SPG7: variants seen among roughly 807,000 people sequenced by gnomAD.
The protein encoded by SPG7 is mitochondrial inner membrane m-AAA protease component paraplegin.
A neutral mutation model predicts 81.9 loss-of-function variants in SPG7; 103 were observed. That is an observed-to-expected ratio of 1.26 (90% CI 1.07 to 1.48). The LOEUF (loss-of-function observed/expected upper bound fraction) is 1.48, where lower values mean the gene tolerates loss of function less well. SPG7 is among the 40% of genes most tolerant of loss of function. The pLI, the probability that SPG7 is intolerant of heterozygous loss-of-function variation, is 0.00. For missense variants in SPG7, 1,241 were observed against 1,087.3 expected, an observed-to-expected ratio of 1.14 and a Z score of -1.99; for synonymous variants, 534 against 444.2, an observed-to-expected ratio of 1.20 and a Z score of -2.54.
chr16:89,528,112 C>G (rs767550226), intron 5 of SPG7, among the ~76,000 whole-genome samples: 2 of 148,894 alleles, frequency 1.3e-5, no homozygotes, highest in African/African-American at 2.5e-5. Context: ...AGGTTTGGGC[C>G]GGGCGCGGTG....
At chr16:89,538,066 C>T (rs2058450009) in intron 9 of SPG7, 2 of 152,274 alleles carry the variant, frequency 1.3e-5, no homozygotes, top group African/African-American at 2.4e-5. Context: ...GGCTGGAGCG[C>T]AGAGAACCAC....
intron 3 of SPG7, 177 bp from the exon 4 acceptor site, chr16:89,523,829 C>T: frequency 2.4e-6 from 2 of 850,896 alleles, no homozygotes; most frequent in Non-Finnish European, 3.8e-6. Context: ...CCTCGAACAG[C>T]ACAGCGTTAG....
chr16:89,539,859 GC>G (rs755546673), intron 9 of SPG7: 24 of 152,118 alleles, frequency 1.6e-4, no homozygotes, highest in African/African-American at 2.4e-4. Context: ...ACAGGTGTGA[GC>G]CCCCATGCCT....
chr16:89,556,543 C>T, intron 16 of SPG7: 1 of 380,286 alleles, frequency 2.6e-6, no homozygotes, highest in East Asian at 6.3e-5. Flanking sequence ...TCTCCCAGTG[C>T]TGCTCTCCTC....
At position 89,532,510 on chromosome 16, in the gene SPG7, CG is replaced by C. The variant is rs1567914963; in HGVS notation, c.1201del (p.Ala401ProfsTer38). 6.2e-7 allele frequency: 1 copy of C among 1,613,640 alleles called. No individual in the cohort carries two copies. The highest frequency in any genetic ancestry group is 1.7e-5 in the Admixed American group (1 of 60,026). ...VRSLFKEARA[R>X]APCIVYIDEI... ...GAGCCTCTTTAAGGAAGCCCGAGCC[CG>C]GGCCCCCTGCATCGTCTACATCGAT... is the stretch of plus-strand genomic sequence containing the variant. On this transcript the variant is annotated frameshift_variant, in exon 9 of 17. Coordinates refer to ENST00000645818, the MANE Select transcript of SPG7 (RefSeq NM_003119.4). LOFTEE classifies it high-confidence loss of function.
intron 6 of SPG7, 60 bp from the exon 7 acceptor site, chr16:89,530,623 C>T: frequency 1.2e-6 from 2 of 1,610,376 alleles, no homozygotes; most frequent in Non-Finnish European, 1.7e-6. Context: ...TGAGCGCTGG[C>T]ATCGTGCTGC....
At chr16:89,540,227 T>TTA (rs2058477807) in intron 9 of SPG7, 2 of 152,196 alleles carry the variant, frequency 1.3e-5, no homozygotes, top group Admixed American at 1.3e-4. Flanking sequence ...ATACGCTTGT[T>TTA]CCTATCTACC....
intron 2 of SPG7, among the ~76,000 whole-genome samples, chr16:89,511,974 C>G (rs558040788): frequency 1.3e-5 from 2 of 149,694 alleles, no homozygotes; most frequent in South Asian, 4.3e-4. Context: ...TGCAGTGGCG[C>G]GATCTCCGCT....
chr16:89,538,276 C>G (rs2058452796), intron 9 of SPG7: 1 of 152,128 alleles, frequency 6.6e-6, no homozygotes, highest in South Asian at 2.1e-4. Context: ...ACCCTCCACA[C>G]CCACATAGCC....
chr16:89,553,200 TC>T, intron 14 of SPG7, 65 bp downstream of exon 14: 1 of 1,449,824 alleles, frequency 6.9e-7, no homozygotes, highest in Non-Finnish European at 9.5e-7. Context: ...CTCCTTCTGT[TC>T]CAGTGCATGC....
chr16:89,526,302 T>C lies in SPG7; in HGVS notation c.619-27T>C, dbSNP rs1458198761. On this transcript the variant is annotated intron_variant, in intron 4 of 16. Transcript: ENST00000645818. ...TGCTCGTCTGTCCCTGCGTTTCTCA[T>C]GGTCCCCTCTCCTTTCTGCCCCCCA... 5 of 1,613,682 alleles carry C rather than the reference T, an allele frequency of 3.1e-6. No homozygotes were observed. The African/African-American group carries it at 4.0e-5, about 13-fold the overall frequency.
chr16:89,556,006 A>C (rs903594842), intron 16 of SPG7: 1 of 398,714 alleles, frequency 2.5e-6, no homozygotes, highest in Non-Finnish European at 4.4e-6. Flanking sequence ...CTGTGGACCC[A>C]TGCTCATCAC....
intron 9 of SPG7, chr16:89,532,848 C>T: frequency 3.4e-6 from 2 of 586,116 alleles, no homozygotes; most frequent in Non-Finnish European, 6.1e-6. Flanking sequence ...CTTTGGGAGG[C>T]CAAGACAGGC....
chr16:89,552,941 C>T, intron 13 of SPG7, 38 bp from the exon 14 acceptor site: 1 of 1,610,870 alleles, frequency 6.2e-7, no homozygotes, highest in Non-Finnish European at 8.5e-7. Context: ...GCCCACGCAT[C>T]CTGCCTACTG....
chr16:89,546,148 G>A (rs1597655918), intron 10 of SPG7: 6 of 291,100 alleles, frequency 2.1e-5, no homozygotes, highest in South Asian at 1.2e-4. Flanking sequence ...GTGCAGCGGC[G>A]CGATCTCGGC....
chr16:89,553,029 C>T lies in SPG7; in HGVS notation c.1830C>T (p.Leu610=), dbSNP rs746099594. 49 of 1,613,892 alleles carry T rather than the reference C, an allele frequency of 3.0e-5. 1 individual carries two copies. In the Middle Eastern group the frequency reaches 6.6e-4, roughly 22 times the overall value. The change falls in exon 14 of 17, where the codon CTC becomes CTT. Residue 610 remains leucine (L), a synonymous_variant. Transcript: ENST00000645818. ...CCGCCCTGGGCTTTGCTCAGATGCT[C>T]CCCAGAGACCAGCACCTCTTCACCA... ...TNAALGFAQM[L]PRDQHLFTKE... is the part of the protein sequence containing the mutation.
chr16:89,555,904 G>A (rs578149715), intron 16 of SPG7: 55 of 398,816 alleles, frequency 1.4e-4, no homozygotes, highest in East Asian at 6.4e-4. Context: ...CGTGGGGATC[G>A]TGTTTGGGGC....
At chr16:89,529,406 T>A in intron 5 of SPG7, 71 bp from the exon 6 acceptor site, 1 of 966,290 alleles carries the variant, frequency 1.0e-6, no homozygotes, top group South Asian at 1.4e-5. Context: ...CAGCAGTGGT[T>A]CTGATTTGGA....
intron 3 of SPG7, among the ~76,000 whole-genome samples, chr16:89,515,598 G>C (rs2058084789): frequency 6.7e-6 from 1 of 149,466 alleles, no homozygotes; most frequent in South Asian, 2.2e-4. Flanking sequence ...TTGCTGGGTA[G>C]GTGCGGTGGC....
Sources: gnomAD v4.1 joint callset for allele counts (sites outside exome capture counted in the v4.1 genomes callset) on GRCh38, gnomAD v4.1.1 for gene constraint, MANE v1.5 for transcripts, NCBI Gene and HGNC (gene_info 2026-07-23, HGNC 2026-07-21) for gene names.